NDC1: variants seen among roughly 807,000 people sequenced by gnomAD.
NDC1 encodes NDC1 transmembrane nucleoporin, also known as nucleoporin NDC1.
A neutral mutation model predicts 89.8 loss-of-function variants in NDC1; 24 were observed. The ratio of observed to expected loss-of-function variants is 0.27; its 90% CI spans 0.19 to 0.38. The LOEUF (loss-of-function observed/expected upper bound fraction) is 0.38. NDC1 is among the 10% of genes least tolerant of loss of function. The pLI, the probability that NDC1 is intolerant of heterozygous loss-of-function variation, is 1.00. For missense variants in NDC1, 728 were observed against 797.6 expected, an observed-to-expected ratio of 0.91 and a Z score of 1.05; for synonymous variants, 296 against 284.8, an observed-to-expected ratio of 1.04 and a Z score of -0.39.
At position 53,792,038 on chromosome 1, in the gene NDC1, G is replaced by A. The variant is rs1647527265; in HGVS notation, c.1635+1191C>T. Among the ~76,000 whole-genome samples the A allele has an allele frequency of 2.6e-5, 4 of 151,884 alleles. No homozygotes were observed. In the South Asian group the frequency reaches 6.2e-4, roughly 24 times the overall value. ...GCTCACTGCAAGCTCCGCCTCCCGGGTTCATGCCATTCTCCTGCCTCAGCC... is the reference window on the plus strand; with the variant it reads ...GCTCACTGCAAGCTCCGCCTCCCGGATTCATGCCATTCTCCTGCCTCAGCC... On this transcript the variant is annotated intron_variant, in intron 14 of 17. Coordinates refer to ENST00000371429, the MANE Select transcript of NDC1 (RefSeq NM_018087.5).
intron 13 of NDC1, among the ~76,000 whole-genome samples, chr1:53,795,919 G>A (rs1206639308): frequency 2.0e-5 from 3 of 152,056 alleles, no homozygotes; most frequent in Non-Finnish European, 4.4e-5. Context: ...ATGAGCCCTG[G>A]GTGCCTGCTA....
chr1:53,769,159 G>A (rs932651830), intron 17 of NDC1, among the ~76,000 whole-genome samples: 2 of 152,144 alleles, frequency 1.3e-5, no homozygotes, highest in African/African-American at 4.8e-5. Context: ...TCCAGCCTGG[G>A]CAACAGAGCA....
At position 53,817,192 on chromosome 1, in the gene NDC1, A is replaced by AT. The variant is rs1357369997; in HGVS notation, c.703+1778dup. The stretch of plus-strand genomic sequence containing the variant: ...ATTCAAAAAGGATACTTGCACACAC[A>AT]TATGTATAGCAGCACAATTCACAAT... On this transcript the variant is annotated intron_variant, in intron 6 of 17. Transcript: ENST00000371429. Among the ~76,000 whole-genome samples, 16 of 152,356 alleles carry AT rather than the reference A, an allele frequency of 1.1e-4. 1 individual carries two copies. In the East Asian group the frequency reaches 2.5e-3, roughly 24 times the overall value.
intron 1 of NDC1, 21 bp from the exon 2 acceptor site, chr1:53,835,641 C>A (rs776373004): frequency 1.3e-6 from 2 of 1,594,108 alleles, no homozygotes; most frequent in East Asian, 2.2e-5. Flanking sequence ...AAAGAAAAAC[C>A]CTCACTCATG....
chr1:53,770,940 C>T (rs1195395199), intron 17 of NDC1: 1 of 152,380 alleles, frequency 6.6e-6, no homozygotes. Context: ...CAGGCATAGA[C>T]CACTGTGCCT....
chr1:53,793,534 A>C (rs573667997), intron 13 of NDC1, among the ~76,000 whole-genome samples: 1 of 152,202 alleles, frequency 6.6e-6, no homozygotes, highest in African/African-American at 2.4e-5. Flanking sequence ...TAGAGCCCTG[A>C]CATAAAAAAA....
At chr1:53,810,510 T>C (rs1451991454) in intron 6 of NDC1, among the ~76,000 whole-genome samples, 6 of 149,364 alleles carry the variant, frequency 4.0e-5, no homozygotes, top group Non-Finnish European at 8.9e-5. Flanking sequence ...AATGAAGTTA[T>C]AGGAGAAAGA....
chr1:53,788,199 GA>G (rs933941225), intron 15 of NDC1, among the ~76,000 whole-genome samples: 2 of 151,896 alleles, frequency 1.3e-5, no homozygotes, highest in African/African-American at 4.8e-5. Flanking sequence ...GAGGCTGAGG[GA>G]GGAGGATTGC....
intron 16 of NDC1, among the ~76,000 whole-genome samples, chr1:53,778,426 T>G (rs1284779575): frequency 2.6e-5 from 4 of 152,112 alleles, no homozygotes; most frequent in Non-Finnish European, 5.9e-5. Flanking sequence ...GTCATAAAAT[T>G]TCCTTTACAG....
chr1:53,819,374 C>G (rs1414433487), intron 5 of NDC1, among the ~76,000 whole-genome samples: 1 of 152,200 alleles, frequency 6.6e-6, no homozygotes, highest in African/African-American at 2.4e-5. Context: ...AACACAGTAA[C>G]AATAGCAGCT....
chr1:53,774,928 A>G (rs1016025286), intron 16 of NDC1, among the ~76,000 whole-genome samples: 24 of 152,170 alleles, frequency 1.6e-4, no homozygotes, highest in African/African-American at 5.6e-4. Flanking sequence ...AAAAATGAAA[A>G]TAAGAATATA....
Position 53,800,010 on chromosome 1 carries a change from C to A in NDC1, c.1222+683G>T, listed in dbSNP as rs546535752. 5.8e-4 allele frequency among the ~76,000 whole-genome samples: 88 copies of A among 152,304 alleles called. No individual in the cohort carries two copies. In the South Asian group the frequency reaches 7.5e-3, roughly 13 times the overall value. On this transcript the variant is annotated intron_variant, in intron 11 of 17. Transcript: ENST00000371429. ...ACTTTTTGTCTCTGGACTACTGCAA[C>A]CAGAACAGCAACAGATATTGTCTGC... is the stretch of plus-strand genomic sequence containing the variant.
At chr1:53,838,062 G>A (rs1246123572) in intron 1 of NDC1, 143 bp downstream of exon 1, 3 of 723,738 alleles carry the variant, frequency 4.1e-6, no homozygotes, top group South Asian at 1.8e-5. Context: ...CCTGCAATCA[G>A]TCCCCCAAGT....
chr1:53,831,230 T>C (rs1649057022), intron 3 of NDC1, among the ~76,000 whole-genome samples: 1 of 150,650 alleles, frequency 6.6e-6, no homozygotes, highest in Non-Finnish European at 1.5e-5. Context: ...GTCTCAAAAA[T>C]GATAATAATA....
intron 16 of NDC1, among the ~76,000 whole-genome samples, chr1:53,784,570 A>G (rs1344499955): frequency 2.0e-5 from 3 of 152,234 alleles, no homozygotes; most frequent in Non-Finnish European, 4.4e-5. Context: ...AGGTAGGTGG[A>G]TCACGAGGTC....
At chr1:53,785,256 G>GA (rs1216565809) in intron 16 of NDC1, among the ~76,000 whole-genome samples, 2 of 152,194 alleles carry the variant, frequency 1.3e-5, no homozygotes, top group Admixed American at 6.5e-5. Flanking sequence ...TACACTGCCA[G>GA]AGTGACAAAA....
chr1:53,835,435 A>G (rs2100699819), intron 2 of NDC1, 65 bp downstream of exon 2: 2 of 1,418,516 alleles, frequency 1.4e-6, no homozygotes, highest in East Asian at 2.3e-5. Context: ...TGCTTGAAAC[A>G]TAATGCAATT....
At chr1:53,834,155 G>T (rs1443962284) in intron 2 of NDC1, among the ~76,000 whole-genome samples, 1 of 152,194 alleles carries the variant, frequency 6.6e-6, no homozygotes, top group East Asian at 1.9e-4. Context: ...GAGGAAAATG[G>T]CATAAATCAA....
In NDC1 at chr1:53,800,853, G is replaced by C. The variant is rs1647888096; in HGVS notation, c.1067-5C>G. 9.5e-6 allele frequency: 15 copies of C among 1,578,996 alleles called. No homozygotes were observed. Among genetic ancestry groups the C allele is most frequent in the Non-Finnish European group, 1.2e-5 (14 of 1,164,920 alleles). On this transcript the variant is annotated splice_region_variant and splice_polypyrimidine_tract_variant and intron_variant, in intron 10 of 17. Coordinates refer to ENST00000371429, the MANE Select transcript of NDC1 (RefSeq NM_018087.5). ...TCCAATTGTGGGGATGTCCACCTAGGAGGTCCAAACACCAGCTTTTAAAAT... is the reference window on the plus strand; with the variant it reads ...TCCAATTGTGGGGATGTCCACCTAGCAGGTCCAAACACCAGCTTTTAAAAT...
Sources: allele counts gnomAD v4.1 joint callset (sites outside exome capture counted in the v4.1 genomes callset), GRCh38; gene constraint gnomAD v4.1.1; transcripts MANE v1.5; gene names NCBI Gene and HGNC (gene_info 2026-07-23, HGNC 2026-07-21).